FAM171A1: variants seen among roughly 807,000 people sequenced by gnomAD.
FAM171A1 encodes family with sequence similarity 171 member A1, also known as protein FAM171A1.
In FAM171A1, 23 loss-of-function variants were observed where a neutral mutation model predicts 74.9. The observed-to-expected ratio is 0.31, with a 90% CI of 0.22 to 0.44. The LOEUF is 0.44. FAM171A1 is among the 20% of genes least tolerant of loss of function. The probability of loss-of-function intolerance (pLI) is 1.00; values close to 1 mark genes in which losing one functional copy is unlikely to be tolerated. For missense variants in FAM171A1, 1,162 were observed against 1,159.2 expected, an observed-to-expected ratio of 1.00 and a Z score of -0.03; for synonymous variants, 527 against 505.7, an observed-to-expected ratio of 1.04 and a Z score of -0.57.
intron 1 of FAM171A1, among the ~76,000 whole-genome samples, chr10:15,308,286 T>C (rs1835320901): frequency 6.6e-6 from 1 of 152,160 alleles, no homozygotes; most frequent in African/African-American, 2.4e-5. Flanking sequence ...GCATATACTC[T>C]CATGTCAGAA....
At chr10:15,261,958 C>A (rs1289541797) in intron 3 of FAM171A1, among the ~76,000 whole-genome samples, 1 of 152,038 alleles carries the variant, frequency 6.6e-6, no homozygotes, top group Non-Finnish European at 1.5e-5. Flanking sequence ...TACAAAAAAT[C>A]TGAAAAATTA....
chr10:15,266,042 G>A (rs1376966415), intron 3 of FAM171A1, among the ~76,000 whole-genome samples: 1 of 152,162 alleles, frequency 6.6e-6, no homozygotes, highest in African/African-American at 2.4e-5. Context: ...AGGAGTGAGT[G>A]GGTTTCCCTG....
intron 5 of FAM171A1, among the ~76,000 whole-genome samples, chr10:15,229,966 A>T (rs147716773): frequency 7.5e-6 from 1 of 133,396 alleles, no homozygotes; most frequent in African/African-American, 2.6e-5. Flanking sequence ...AGGCGTTTCC[A>T]GATCCCTGAA....
intron 1 of FAM171A1, among the ~76,000 whole-genome samples, chr10:15,348,603 G>C (rs1835843267): frequency 6.6e-6 from 1 of 152,176 alleles, no homozygotes; most frequent in Non-Finnish European, 1.5e-5. Flanking sequence ...CATCAAGCCT[G>C]GATGTGCAGC....
intron 1 of FAM171A1, among the ~76,000 whole-genome samples, chr10:15,334,702 C>T (rs901113767): frequency 2.0e-5 from 3 of 152,174 alleles, no homozygotes; most frequent in African/African-American, 7.2e-5. Flanking sequence ...GATTTCAATA[C>T]ACCGATGGGA....
At chr10:15,270,645 C>T (rs1200252833) in intron 3 of FAM171A1, among the ~76,000 whole-genome samples, 2 of 152,186 alleles carry the variant, frequency 1.3e-5, no homozygotes, top group African/African-American at 4.8e-5. Context: ...CCGACTGACA[C>T]CTCATACGGC....
At chr10:15,373,203 C>T (rs1485338213), upstream of FAM171A1, among the ~76,000 whole-genome samples, 1 of 152,206 alleles carries the variant, frequency 6.6e-6, no homozygotes, top group Non-Finnish European at 1.5e-5. Flanking sequence ...GCAAATCACG[C>T]ACCTGCACAG....
At chr10:15,291,846 G>A (rs1192169222) in intron 1 of FAM171A1, among the ~76,000 whole-genome samples, 3 of 152,054 alleles carry the variant, frequency 2.0e-5, no homozygotes, top group Non-Finnish European at 2.9e-5. Flanking sequence ...CCAGCCATGC[G>A]GCTGAGACCC....
At chr10:15,370,032 G>A (rs1299871108) in intron 1 of FAM171A1, among the ~76,000 whole-genome samples, 1 of 152,166 alleles carries the variant, frequency 6.6e-6, no homozygotes, top group African/African-American at 2.4e-5. Context: ...AGTCCTCGAC[G>A]CTGTCCCCAC....
intron 5 of FAM171A1, among the ~76,000 whole-genome samples, chr10:15,229,690 CCACCAT>C (rs1564616691): frequency 2.4e-5 from 3 of 127,098 alleles, no homozygotes; most frequent in African/African-American, 9.0e-5. Context: ...ATCACCATCA[CCACCAT>C]CACCATCATC....
chr10:15,311,153 C>T (rs1327146753), intron 1 of FAM171A1, among the ~76,000 whole-genome samples: 5 of 152,228 alleles, frequency 3.3e-5, no homozygotes, highest in South Asian at 2.1e-4. Flanking sequence ...TACACATTTA[C>T]AGTTGTTGCC....
intron 1 of FAM171A1, among the ~76,000 whole-genome samples, chr10:15,330,727 T>C (rs112717129): frequency 7.1e-6 from 1 of 140,044 alleles, no homozygotes; most frequent in African/African-American, 2.7e-5. Flanking sequence ...TTTTTTTTTT[T>C]TTTTTTTTGA....
chr10:15,231,529 G>A (rs1002180101), intron 5 of FAM171A1, among the ~76,000 whole-genome samples: 4 of 151,916 alleles, frequency 2.6e-5, no homozygotes, highest in Non-Finnish European at 5.9e-5. Flanking sequence ...AACGAGCTCC[G>A]GGTGATGCAG....
intron 1 of FAM171A1, among the ~76,000 whole-genome samples, chr10:15,305,907 G>A (rs928351214): frequency 6.6e-6 from 1 of 152,186 alleles, no homozygotes; most frequent in Non-Finnish European, 1.5e-5. Flanking sequence ...AGACATAGGA[G>A]GAAGACTAAC....
chr10:15,310,182 T>C (rs1004895199), intron 1 of FAM171A1, among the ~76,000 whole-genome samples: 1 of 152,256 alleles, frequency 6.6e-6, no homozygotes, highest in African/African-American at 2.4e-5. Context: ...TGGGGGAAAG[T>C]GTTTGGTGAG....
At chr10:15,278,988 G>A (rs775745838) in intron 2 of FAM171A1, among the ~76,000 whole-genome samples, 11 of 152,136 alleles carry the variant, frequency 7.2e-5, no homozygotes, top group East Asian at 1.9e-4. Flanking sequence ...CTCAAAACCC[G>A]GGCTAGGGTT....
At chr10:15,230,025 A>G (rs1834184870) in intron 5 of FAM171A1, among the ~76,000 whole-genome samples, 1 of 151,808 alleles carries the variant, frequency 6.6e-6, no homozygotes, top group African/African-American at 2.4e-5. Flanking sequence ...TAGAGCTTTC[A>G]TCTGCATTAA....
intron 5 of FAM171A1, among the ~76,000 whole-genome samples, chr10:15,237,086 T>G (rs1834300746): frequency 6.6e-6 from 1 of 152,216 alleles, no homozygotes; most frequent in Non-Finnish European, 1.5e-5. Context: ...TAAGAGGGCC[T>G]TGAGGCTCCT....
chr10:15,359,448 T>A (rs964314888), intron 1 of FAM171A1, among the ~76,000 whole-genome samples: 1 of 152,088 alleles, frequency 6.6e-6, no homozygotes, highest in Non-Finnish European at 1.5e-5. Flanking sequence ...CAGCAGTCTT[T>A]TTCCTCCTTC....
Sources: allele counts gnomAD v4.1 joint callset (sites outside exome capture counted in the v4.1 genomes callset), GRCh38; gene constraint gnomAD v4.1.1; transcripts MANE v1.5; gene names NCBI Gene and HGNC (gene_info 2026-07-23, HGNC 2026-07-21).